The following FSD1L variants were observed in gnomAD, a reference collection of about 807,000 sequenced individuals.
The protein encoded by FSD1L is FSD1-like protein.
In FSD1L, 45 loss-of-function variants were observed where a neutral mutation model predicts 71.6. That is an observed-to-expected ratio of 0.63 (90% CI 0.49 to 0.81). The LOEUF (loss-of-function observed/expected upper bound fraction) is 0.81. Ranked by LOEUF, FSD1L falls within the 30% of genes least tolerant of loss-of-function variation. The probability of loss-of-function intolerance (pLI) is 0.00; values close to 1 mark genes in which losing one functional copy is unlikely to be tolerated. For missense variants in FSD1L, 561 were observed against 618.1 expected (o/e 0.91, Z 0.98); for synonymous variants, 197 against 207.2 (o/e 0.95, Z 0.42).
intron 10 of FSD1L, chr9:105,530,679 C>T (rs1564145107): frequency 3.4e-6 from 2 of 589,112 alleles, no homozygotes; most frequent in East Asian, 6.1e-5. Flanking sequence ...AGCAGACACT[C>T]TGACCACCAG....
chr9:105,496,629 A>G (rs931691457), intron 7 of FSD1L, among the ~76,000 whole-genome samples: 1 of 152,224 alleles, frequency 6.6e-6, no homozygotes, highest in Non-Finnish European at 1.5e-5. Flanking sequence ...ATTTGTATCA[A>G]AAGATTTCAT....
chr9:105,447,987 C>G, upstream of FSD1L: 1 of 548,038 alleles, frequency 1.8e-6, no homozygotes. Flanking sequence ...TCAGCCGCTG[C>G]GCGCAGGCGC....
chr9:105,473,428 A>G (rs1411543572), intron 5 of FSD1L: 1 of 152,336 alleles, frequency 6.6e-6, no homozygotes, highest in Middle Eastern at 3.4e-3. Context: ...AGTCATCAAA[A>G]TCAACATCAT....
At position 105,535,260 on chromosome 9, in the gene FSD1L, C is replaced by A; in HGVS notation, c.1320C>A (p.Val440=). The change falls in exon 12 of 14, where the codon GTC becomes GTA. Residue 440 remains valine, a synonymous_variant. Coordinates refer to ENST00000481272, the MANE Select transcript of FSD1L (RefSeq NM_001145313.3). ...TTGCAGCAAAGCATAATAATAAAGT[C>A]AAAGCTTTGGATGTTACTGTTCCTG... ...NTFAAKHNNK[V]KALDVTVPEK... 6.4e-7 allele frequency: 1 copy of A among 1,551,576 alleles called. No homozygotes were observed. Among genetic ancestry groups the A allele is most frequent in the South Asian group, 1.2e-5 (1 of 84,038 alleles).
chr9:105,513,329 T>G (rs1253033302), intron 10 of FSD1L, among the ~76,000 whole-genome samples: 8 of 152,204 alleles, frequency 5.3e-5, no homozygotes, highest in Admixed American at 5.2e-4. Flanking sequence ...GGGTCTTGCC[T>G]CTGATCAGCA....
At chr9:105,490,408 C>G (rs1377388205) in intron 7 of FSD1L, among the ~76,000 whole-genome samples, 4 of 152,136 alleles carry the variant, frequency 2.6e-5, no homozygotes, top group Admixed American at 6.5e-5. Context: ...GATACCTGCC[C>G]TTTGTCAGAT....
Position 105,471,920 on chromosome 9 carries a change from G to A in FSD1L, c.356G>A (p.Cys119Tyr). 8.1e-7 allele frequency: 1 copy of A among 1,235,466 alleles called. No homozygotes were observed. The highest frequency in any genetic ancestry group is 1.1e-6 in the Non-Finnish European group (1 of 942,332). 76.5% of individuals were successfully genotyped at this position (1,235,466 alleles called of 1,614,324 possible). Residue 119 changes from cysteine (C) to tyrosine (Y), a missense_variant, in exon 5 of 14, where the codon TGT becomes TAT. Around this residue, in one of 3 missense-constraint regions of FSD1L, gnomAD observed 410 missense variants for 413.5 expected, o/e 0.99. Transcript: ENST00000481272. ...SQELQSQISQ[C>Y]NNALENSEEL... ...TTTCCCTAGAGTCAGATTAGTCAAT[G>A]TAATAATGCCCTGGAGAACTCTGAA...
chr9:105,534,870 T>C (rs1836163776), intron 11 of FSD1L, among the ~76,000 whole-genome samples, 197 bp from the exon 12 acceptor site: 1 of 152,230 alleles, frequency 6.6e-6, no homozygotes, highest in African/African-American at 2.4e-5. Flanking sequence ...CGTTTTATAT[T>C]CAAGAATAGT....
At chr9:105,461,085 A>G (rs1197146980) in intron 1 of FSD1L, among the ~76,000 whole-genome samples, 2 of 152,254 alleles carry the variant, frequency 1.3e-5, no homozygotes, top group Admixed American at 6.5e-5. Context: ...ATAAGCACAT[A>G]AAGAAATTCT....
intron 5 of FSD1L, among the ~76,000 whole-genome samples, chr9:105,478,042 A>C (rs1831925039): frequency 6.6e-6 from 1 of 152,174 alleles, no homozygotes; most frequent in Non-Finnish European, 1.5e-5. Context: ...CAGGAGATCA[A>C]GACTGTCTTG....
chr9:105,519,983 G>C, intron 10 of FSD1L: 1 of 1,364,942 alleles, frequency 7.3e-7, no homozygotes, highest in East Asian at 2.5e-5. Flanking sequence ...CCTGGATCGG[G>C]GAGGAGTCGG....
intron 7 of FSD1L, among the ~76,000 whole-genome samples, chr9:105,497,687 G>C (rs1040646972): frequency 1.4e-4 from 21 of 152,110 alleles, no homozygotes; most frequent in African/African-American, 4.3e-4. Flanking sequence ...ATGTCCATGG[G>C]ATCTTTGTTG....
intron 10 of FSD1L, among the ~76,000 whole-genome samples, chr9:105,529,978 G>A (rs568301449): frequency 6.6e-6 from 1 of 152,216 alleles, no homozygotes; most frequent in South Asian, 2.1e-4. Context: ...TGAAGCAGAT[G>A]GTGTGAGTTT....
chr9:105,528,657 A>T (rs1214662742), intron 10 of FSD1L, among the ~76,000 whole-genome samples: 2 of 152,238 alleles, frequency 1.3e-5, no homozygotes, highest in Non-Finnish European at 2.9e-5. Context: ...CTTAAAGATA[A>T]GACCTAAAAC....
At chr9:105,453,859 A>G (rs1237613167) in intron 1 of FSD1L, among the ~76,000 whole-genome samples, 1 of 152,150 alleles carries the variant, frequency 6.6e-6, no homozygotes, top group Non-Finnish European at 1.5e-5. Flanking sequence ...AAAATATTTT[A>G]AAGTTGGTGG....
At chr9:105,477,876 G>C (rs1279237980) in intron 5 of FSD1L, among the ~76,000 whole-genome samples, 1 of 152,162 alleles carries the variant, frequency 6.6e-6, no homozygotes, top group East Asian at 1.9e-4. Flanking sequence ...AAAAGAAATA[G>C]AATGATTAAT....
chr9:105,456,449 T>G (rs756390031), intron 1 of FSD1L, among the ~76,000 whole-genome samples: 14 of 152,246 alleles, frequency 9.2e-5, no homozygotes, highest in Non-Finnish European at 1.6e-4. Flanking sequence ...AGTGCTCTTT[T>G]GCTCAGTCTA....
chr9:105,513,026 T>C, intron 10 of FSD1L, 90 bp downstream of exon 10: 1 of 1,125,148 alleles, frequency 8.9e-7, no homozygotes, highest in South Asian at 2.3e-5. Flanking sequence ...TCTTAGTCAA[T>C]ATACCTATGA....
At position 105,448,254 on chromosome 9, in the gene FSD1L, C is replaced by G. The variant is rs1194920039; in HGVS notation, c.15+19C>G. 6.5e-7 allele frequency: 1 copy of G among 1,531,984 alleles called. No individual in the cohort carries two copies. The highest frequency in any genetic ancestry group is 8.8e-7 in the Non-Finnish European group (1 of 1,137,870). The allele number at this position is 1,531,984 out of a possible 1,614,324, so 94.9% of individuals were successfully genotyped here. A position where few individuals can be genotyped will look rare whatever the true frequency, so the allele number is the denominator to read the frequency against. On this transcript the variant is annotated intron_variant, in intron 1 of 13. Coordinates refer to ENST00000481272, the MANE Select transcript of FSD1L (RefSeq NM_001145313.3). ...CCAGAAAGTAAGCGGGGGAGGGGAG[C>G]CCGGGGCTACCGAGACAAGCCGGGC...
Sources: allele counts gnomAD v4.1 joint callset (sites outside exome capture counted in the v4.1 genomes callset), GRCh38; gene constraint gnomAD v4.1.1; regional missense constraint gnomAD v4.1.1; transcripts MANE v1.5; gene names NCBI Gene and HGNC (gene_info 2026-07-23, HGNC 2026-07-21).